AUTS2: variants seen among roughly 807,000 people sequenced by gnomAD.
AUTS2 encodes activator of transcription and developmental regulator AUTS2, also known as autism susceptibility gene 2 protein.
In AUTS2, 17 loss-of-function variants were observed where a neutral mutation model predicts 112.4. The observed-to-expected ratio is 0.15, with a 90% CI of 0.10 to 0.23. AUTS2 has a LOEUF of 0.23. Ranked by LOEUF, AUTS2 falls within the 10% of genes least tolerant of loss-of-function variation. The pLI, the probability that AUTS2 is intolerant of heterozygous loss-of-function variation, is 1.00. For synonymous variants in AUTS2, 751 were observed against 702.7 expected (o/e 1.07, Z -1.09); for missense variants, 1,510 against 1,701.6 (o/e 0.89, Z 1.98).
chr7:70,114,125 A>G (rs992427266), intron 2 of AUTS2, among the ~76,000 whole-genome samples: 3 of 152,200 alleles, frequency 2.0e-5, no homozygotes, highest in African/African-American at 7.2e-5. Context: ...CATTTTGCAT[A>G]TTTTGTTCTC....
chr7:69,819,106 G>T (rs1211276745), intron 1 of AUTS2, among the ~76,000 whole-genome samples: 1 of 152,150 alleles, frequency 6.6e-6, no homozygotes, highest in Non-Finnish European at 1.5e-5. Context: ...CCCAGTAAGG[G>T]TATCTTTTGT....
intron 4 of AUTS2, among the ~76,000 whole-genome samples, chr7:70,317,296 A>G (rs1287619252): frequency 1.3e-5 from 2 of 152,050 alleles, no homozygotes; most frequent in East Asian, 3.9e-4. Flanking sequence ...TAACCTTTTG[A>G]TGCAGATTGT....
At chr7:70,554,393 C>CTTTTT (rs34757734) in intron 5 of AUTS2, among the ~76,000 whole-genome samples, 63 of 116,030 alleles carry the variant, frequency 5.4e-4, no homozygotes, top group African/African-American at 9.3e-4. Flanking sequence ...TCTTTTCTTT[C>CTTTTT]TTTTTTTTTT....
intron 4 of AUTS2, among the ~76,000 whole-genome samples, chr7:70,357,866 G>A (rs1357905769): frequency 1.3e-5 from 2 of 152,170 alleles, no homozygotes; most frequent in Non-Finnish European, 2.9e-5. Flanking sequence ...ATTTTCTTAA[G>A]CAAAAGCTAC....
At position 69,713,825 on chromosome 7, in the gene AUTS2, T is replaced by G. The variant is rs1325284662; in HGVS notation, c.309+113863T>G. ...TAAATGTATGATTTGCAGATAATAT[T>G]CTTCCAGCCTGTGGTTTGTATTTTC... On this transcript the variant is annotated intron_variant, in intron 1 of 18. Transcript: ENST00000342771. Among the ~76,000 whole-genome samples the G allele has an allele frequency of 2.0e-5, 3 of 152,286 alleles. No individual in the cohort carries two copies. The East Asian group carries it at 5.8e-4, about 29-fold the overall frequency.
chr7:70,132,171 A>C (rs1234225425), intron 3 of AUTS2, among the ~76,000 whole-genome samples: 5 of 149,094 alleles, frequency 3.4e-5, no homozygotes, highest in Non-Finnish European at 1.5e-5. Context: ...CCTTAAAAAA[A>C]AAAAAAAAAA....
intron 12 of AUTS2, 184 bp from the exon 13 acceptor site, chr7:70,775,173 G>A: frequency 1.7e-6 from 1 of 602,938 alleles, no homozygotes; most frequent in East Asian, 2.8e-5. Flanking sequence ...TGTGAAGTGG[G>A]GGAGGGGACA....
chr7:69,819,765 A>G (rs1790906117), intron 1 of AUTS2, among the ~76,000 whole-genome samples: 1 of 152,222 alleles, frequency 6.6e-6, no homozygotes, highest in Non-Finnish European at 1.5e-5. Context: ...CCATAGGCAC[A>G]TGCCACTGAG....
chr7:70,462,417 TAA>T (rs1585174342), intron 5 of AUTS2, among the ~76,000 whole-genome samples: 2 of 152,256 alleles, frequency 1.3e-5, no homozygotes, highest in East Asian at 3.9e-4. Flanking sequence ...ACAGTGTTAA[TAA>T]AGTCAGTGGT....
intron 2 of AUTS2, among the ~76,000 whole-genome samples, chr7:69,923,978 C>A (rs546553409): frequency 1.3e-5 from 2 of 152,266 alleles, no homozygotes; most frequent in African/African-American, 4.8e-5. Flanking sequence ...CTTACAGGAT[C>A]ATGTTTAATA....
rs1367222695 is a variant in AUTS2, at chr7:69,644,327, C to CT, written c.309+44376dup. On this transcript the variant is annotated intron_variant, in intron 1 of 18. Coordinates refer to ENST00000342771, the MANE Select transcript of AUTS2 (RefSeq NM_015570.4). ...TAACTATTTGTAGAGGACCCCTAGA[C>CT]TTTTTTTTTTTCTTCCAGGACAAAA... Among the ~76,000 whole-genome samples the CT allele has an allele frequency of 2.9e-3, 423 of 147,242 alleles. 1 individual carries two copies. The highest frequency in any genetic ancestry group is 0.01 in the Middle Eastern group (3 of 286).
At chr7:69,633,224 C>G (rs1233083548) in intron 1 of AUTS2, among the ~76,000 whole-genome samples, 1 of 151,910 alleles carries the variant, frequency 6.6e-6, no homozygotes, top group Non-Finnish European at 1.5e-5. Context: ...TCACTTAGTA[C>G]AGTGTCCTTC....
chr7:70,000,299 T>G (rs936580067), intron 2 of AUTS2, among the ~76,000 whole-genome samples: 5 of 152,178 alleles, frequency 3.3e-5, no homozygotes, highest in African/African-American at 7.2e-5. Flanking sequence ...AATGGTTGGA[T>G]CAAAAAGAGC....
Position 70,374,279 on chromosome 7 carries a change from G to A in AUTS2, c.661-61473G>A, listed in dbSNP as rs1328243472. On this transcript the variant is annotated intron_variant, in intron 4 of 18. Transcript: ENST00000342771. ...TATTCTATTTAAAAAGAAAAATGAT[G>A]ATAACATTCAACATGAGGTTCTTTT... Among the ~76,000 whole-genome samples, 4 of 152,136 alleles carry A rather than the reference G, an allele frequency of 2.6e-5. No individual in the cohort carries two copies. The East Asian group carries it at 7.7e-4, about 29-fold the overall frequency.
intron 2 of AUTS2, among the ~76,000 whole-genome samples, chr7:70,022,521 A>G (rs1278364758): frequency 6.6e-6 from 1 of 152,024 alleles, no homozygotes; most frequent in East Asian, 1.9e-4. Context: ...GGGTTTTACC[A>G]TGTTGGCCAG....
intron 16 of AUTS2, chr7:70,785,415 T>C (rs891245424): frequency 1.6e-5 from 8 of 488,632 alleles, no homozygotes; most frequent in Non-Finnish European, 3.2e-5. Context: ...GCTGACGTTA[T>C]GGAGAGGAGT....
chr7:69,867,407 T>C lies in AUTS2; in HGVS notation c.310-31879T>C, dbSNP rs557276909. ...GTAGATTATATTGAATCACATTTAATAGGAAGATGACTAACACAAGGGAGT... is the reference window on the plus strand; with the variant it reads ...GTAGATTATATTGAATCACATTTAACAGGAAGATGACTAACACAAGGGAGT... On this transcript the variant is annotated intron_variant, in intron 1 of 18. Coordinates refer to ENST00000342771, the MANE Select transcript of AUTS2 (RefSeq NM_015570.4). Among the ~76,000 whole-genome samples, 8 of 152,354 alleles carry C rather than the reference T, an allele frequency of 5.3e-5. No homozygotes were observed. In the East Asian group the frequency reaches 1.3e-3, roughly 26 times the overall value.
chr7:70,151,323 C>G lies in AUTS2; in HGVS notation c.660+16752C>G, dbSNP rs193141231. 2.6e-5 allele frequency among the ~76,000 whole-genome samples: 4 copies of G among 152,202 alleles called. No homozygotes were observed. In the East Asian group the frequency reaches 7.7e-4, roughly 29 times the overall value. ...GAGGCAACAGTGCCTTACATTAACC[C>G]ATAGCCAGGAACAGTGCTGATTCTC... On this transcript the variant is annotated intron_variant, in intron 4 of 18. Coordinates refer to ENST00000342771, the MANE Select transcript of AUTS2 (RefSeq NM_015570.4).
intron 4 of AUTS2, among the ~76,000 whole-genome samples, chr7:70,279,834 A>G (rs1179726231): frequency 2.0e-5 from 3 of 152,210 alleles, no homozygotes; most frequent in South Asian, 2.1e-4. Context: ...ATCTTTGGCT[A>G]TAGCTATCTG....
Sources: gnomAD v4.1 joint callset for allele counts (sites outside exome capture counted in the v4.1 genomes callset) on GRCh38, gnomAD v4.1.1 for gene constraint, MANE v1.5 for transcripts, NCBI Gene and HGNC (gene_info 2026-07-23, HGNC 2026-07-21) for gene names.